ACACA: variants seen among roughly 807,000 people sequenced by gnomAD.
ACACA encodes the protein acetyl-CoA carboxylase alpha.
ACACA carries 103 observed loss-of-function variants against 296.1 expected under a neutral mutation model. The ratio of observed to expected loss-of-function variants is 0.35; its 90% CI spans 0.30 to 0.41. ACACA has a LOEUF of 0.41. Ranked by LOEUF, ACACA falls within the 10% of genes least tolerant of loss-of-function variation. The pLI, the probability that ACACA is intolerant of heterozygous loss-of-function variation, is 1.00. For missense variants in ACACA, 1,554 were observed against 2,989.7 expected (o/e 0.52, Z 11.20); for synonymous variants, 953 against 1,038.6 (o/e 0.92, Z 1.58).
intron 29 of ACACA, among the ~76,000 whole-genome samples, chr17:37,218,190 A>G (rs967846711): frequency 6.7e-6 from 1 of 149,530 alleles, no homozygotes; most frequent in African/African-American, 2.5e-5. Context: ...TGACTGTCCT[A>G]ATTAATTTTT....
At chr17:37,263,643 T>C in intron 11 of ACACA, 42 bp downstream of exon 11, 1 of 1,530,298 alleles carries the variant, frequency 6.5e-7, no homozygotes, top group Non-Finnish European at 9.0e-7. Flanking sequence ...TGAAAAATGT[T>C]CTATGTAAGA....
In ACACA at chr17:37,130,042, A is replaced by T. The variant is rs749765166; in HGVS notation, c.5823+33T>A. 3.7e-6 allele frequency: 6 copies of T among 1,613,894 alleles called. No homozygotes were observed. In the Admixed American group the frequency reaches 1.0e-4, roughly 27 times the overall value. Reference sequence around the variant, plus strand: ...CTGTGGTGGAAATGACAGGCTCTGCAGGCCATGTCAGTGCTGGGTAGGAAG... The same window carrying T: ...CTGTGGTGGAAATGACAGGCTCTGCTGGCCATGTCAGTGCTGGGTAGGAAG... On this transcript the variant is annotated intron_variant, in intron 46 of 55. Transcript: ENST00000616317.
chr17:37,122,138 A>C (rs2074555999), intron 49 of ACACA, among the ~76,000 whole-genome samples: 1 of 152,122 alleles, frequency 6.6e-6, no homozygotes, highest in Non-Finnish European at 1.5e-5. Context: ...CTCAAAAAAA[A>C]GGGCTGTGGT....
chr17:37,274,517 C>T (rs1424750847), intron 8 of ACACA: 9 of 777,762 alleles, frequency 1.2e-5, no homozygotes, highest in South Asian at 1.2e-4. Flanking sequence ...AAAAGCCAGC[C>T]GAACTAACAG....
At chr17:37,173,453 C>T (rs1008317455) in intron 41 of ACACA, among the ~76,000 whole-genome samples, 5 of 152,098 alleles carry the variant, frequency 3.3e-5, no homozygotes, top group Non-Finnish European at 7.4e-5. Flanking sequence ...ACTTCCTTTC[C>T]CTACCAACTC....
chr17:37,106,841 T>C (rs1396242166), intron 52 of ACACA, among the ~76,000 whole-genome samples: 3 of 151,550 alleles, frequency 2.0e-5, no homozygotes, highest in Non-Finnish European at 4.4e-5. Context: ...CCTCTGGCCA[T>C]ACAGAATTGT....
intron 29 of ACACA, among the ~76,000 whole-genome samples, chr17:37,212,001 G>C (rs2078768545): frequency 6.6e-6 from 1 of 152,128 alleles, no homozygotes; most frequent in African/African-American, 2.4e-5. Flanking sequence ...GGGAGGTACA[G>C]CTGAACAGAA....
intron 38 of ACACA, among the ~76,000 whole-genome samples, chr17:37,188,901 G>A (rs932579260): frequency 1.3e-5 from 2 of 152,108 alleles, no homozygotes; most frequent in South Asian, 4.1e-4. Flanking sequence ...GCACTTACAG[G>A]ACTTTAAATC....
intron 38 of ACACA, among the ~76,000 whole-genome samples, chr17:37,189,848 A>T (rs1170562946): frequency 6.6e-6 from 1 of 151,998 alleles, no homozygotes. Flanking sequence ...AAAGGTAGAA[A>T]ACTACTTCTC....
chr17:37,285,482 T>C (rs2082724442), intron 3 of ACACA, among the ~76,000 whole-genome samples: 1 of 152,258 alleles, frequency 6.6e-6, no homozygotes, highest in Non-Finnish European at 1.5e-5. Context: ...CCATATTTAA[T>C]CAGTTTTAAG....
intron 3 of ACACA, among the ~76,000 whole-genome samples, chr17:37,300,495 A>T (rs1261429089): frequency 1.3e-5 from 2 of 152,162 alleles, no homozygotes; most frequent in African/African-American, 4.8e-5. Flanking sequence ...AACCATAAAA[A>T]ATTTATTCCC....
At chr17:37,261,979 A>G (rs2081532907) in intron 11 of ACACA, among the ~76,000 whole-genome samples, 1 of 152,094 alleles carries the variant, frequency 6.6e-6, no homozygotes, top group African/African-American at 2.4e-5. Context: ...ATGGAGAAGA[A>G]TATACATCAT....
In ACACA at chr17:37,283,418, A is replaced by G. The variant is rs1567938789; in HGVS notation, c.472-13T>C. 1 of 1,613,984 alleles carries G rather than the reference A, an allele frequency of 6.2e-7. No homozygotes were observed. The highest frequency in any genetic ancestry group is 2.2e-5 in the East Asian group (1 of 44,852). On this transcript the variant is annotated splice_polypyrimidine_tract_variant and intron_variant, in intron 4 of 55. Transcript: ENST00000616317. ...TAGCAATAAGAACCTGGGAGGGGGA[A>G]GGAGATGGGAATGGGAAGAAAAGGC... is the stretch of plus-strand genomic sequence containing the variant.
In ACACA at chr17:37,113,249, C is replaced by A; in HGVS notation, c.6291G>T (p.Val2097=). The A allele has an allele frequency of 6.2e-7, 1 of 1,614,210 alleles. No homozygotes were observed. Among genetic ancestry groups the A allele is most frequent in the East Asian group, 2.2e-5 (1 of 44,888 alleles). Residue 2097 remains valine, a synonymous_variant, in exon 51 of 56, where the codon GTG becomes GTT. Transcript: ENST00000616317. This position sits in a 1 kb window ranked among gnomAD's most constrained non-coding sequence, Gnocchi z 4.0. ...SGGMKDMYDQ[V]LKFGAYIVDG... ...CCACAATGTAAGCACCAAACTTCAG[C>A]ACTTGGTCGTACATATCTATGGAGA...
intron 1 of ACACA, among the ~76,000 whole-genome samples, chr17:37,390,630 AAG>A (rs2050839933): frequency 6.6e-6 from 1 of 150,520 alleles, no homozygotes; most frequent in Non-Finnish European, 1.5e-5. Flanking sequence ...CCGTCTCAAA[AAG>A]AGAGAAAAAA....
intron 15 of ACACA, among the ~76,000 whole-genome samples, 161 bp downstream of exon 15, chr17:37,252,725 G>T (rs555743431): frequency 2.6e-5 from 4 of 152,324 alleles, no homozygotes; most frequent in African/African-American, 9.6e-5. Context: ...CACAAGCACA[G>T]GAACCATCAG....
intron 3 of ACACA, chr17:37,328,579 A>G: frequency 3.9e-6 from 1 of 257,112 alleles, no homozygotes; most frequent in Middle Eastern, 1.2e-3. Context: ...ACTAACGAAC[A>G]CTGCCTAGTC....
At chr17:37,200,298 A>C in intron 34 of ACACA, 115 bp from the exon 35 acceptor site, 1 of 1,366,494 alleles carries the variant, frequency 7.3e-7, no homozygotes, top group Non-Finnish European at 1.0e-6. Flanking sequence ...TTTAAAAATG[A>C]AACTTACAGA....
chr17:37,087,288 C>T lies in ACACA; in HGVS notation c.*28G>A. ...CAGCTCTAGCCCTTTTCTCCAGAGA[C>T]AGGGCAGGGACAGGCAGGAAGCTCT... is the stretch of plus-strand genomic sequence containing the variant. On this transcript the variant is annotated 3_prime_UTR_variant, in exon 56 of 56. Coordinates refer to ENST00000616317, the MANE Select transcript of ACACA (RefSeq NM_198834.3). 2 of 1,613,890 alleles carry T rather than the reference C, an allele frequency of 1.2e-6. No individual in the cohort carries two copies. The highest frequency in any genetic ancestry group is 2.2e-5 in the South Asian group (2 of 91,064).
Sources: gnomAD v4.1 joint callset for allele counts (sites outside exome capture counted in the v4.1 genomes callset) on GRCh38, gnomAD v4.1.1 for gene constraint, Gnocchi (gnomAD v3.1) non-coding constraint, MANE v1.5 for transcripts, NCBI Gene and HGNC (gene_info 2026-07-23, HGNC 2026-07-21) for gene names.